The following PCDHB4 variants were observed in gnomAD, a reference collection of about 807,000 sequenced individuals.
PCDHB4 encodes the protein protocadherin beta 4.
For missense variants in PCDHB4, 1,063 were observed against 1,007.0 expected (o/e 1.06, Z -0.75); for synonymous variants, 482 against 447.3 (o/e 1.08, Z -0.98).
At position 141,123,880 on chromosome 5, in the gene PCDHB4, C is replaced by T; in HGVS notation, c.1882C>T (p.Leu628=). ...AHNGEVRTAR[L]LSERDAAKHR... is the part of the protein sequence containing the mutation. ...CAATGGCGAGGTGCGCACCGCCAGG[C>T]TGCTGAGCGAGCGCGACGCAGCCAA... is the stretch of plus-strand genomic sequence containing the variant. The change falls in exon 1 of 1, where the codon CTG becomes TTG. Residue 628 remains leucine (L), a synonymous_variant. Transcript: ENST00000194152. The T allele has an allele frequency of 1.2e-6, 2 of 1,607,246 alleles. No homozygotes were observed. Among genetic ancestry groups the T allele is most frequent in the East Asian group, 2.2e-5 (1 of 44,874 alleles).
In PCDHB4 at chr5:141,123,310, G is replaced by C. The variant is rs1554274514; in HGVS notation, c.1312G>C (p.Val438Leu). The change falls in exon 1 of 1, where the codon GTG (valine) becomes CTG (leucine). Residue 438 changes from valine to leucine, a missense_variant. By Grantham distance (32) the Val-to-Leu change is conservative (BLOSUM62 1). Coordinates refer to ENST00000194152, the MANE Select transcript of PCDHB4 (RefSeq NM_018938.4). ...PRLKTQQNITVQVSDVNDNAP... is the reference protein window; with the variant it reads ...PRLKTQQNITLQVSDVNDNAP... ...GCTGAAAACCCAGCAGAACATAACC[G>C]TGCAGGTCTCCGACGTCAATGACAA... 7 of 1,614,062 alleles carry C rather than the reference G, an allele frequency of 4.3e-6. No individual in the cohort carries two copies. Among genetic ancestry groups the C allele is most frequent in the South Asian group, 2.2e-5 (2 of 91,068 alleles).
Position 141,123,107 on chromosome 5 carries a change from G to C in PCDHB4, c.1109G>C (p.Arg370Pro). The C allele has an allele frequency of 6.2e-7, 1 of 1,613,896 alleles. No individual in the cohort carries two copies. The highest frequency in any genetic ancestry group is 1.7e-5 in the Admixed American group (1 of 59,976). ...ACGGTAGTCTCTATCTTCCGAATTC[G>C]AGATAGAGATTCCGGAGAAAATGGA... ...PETVVSIFRI[R>P]DRDSGENGKM... Residue 370 changes from arginine (R) to proline (P), a missense_variant, in exon 1 of 1, where the codon CGA (arginine) becomes CCA (proline). Physicochemically the swap from Arg to Pro is moderately radical, Grantham distance 103. Coordinates refer to ENST00000194152, the MANE Select transcript of PCDHB4 (RefSeq NM_018938.4).
chr5:141,123,657 C>G lies in PCDHB4; in HGVS notation c.1659C>G (p.Thr553=). ...EALVRVLVLD[T]NDNSPFVLYP... ...TGGTGCGCGTGCTGGTGCTGGACAC[C>G]AACGACAACTCGCCCTTCGTGCTGT... The change falls in exon 1 of 1, where the codon ACC becomes ACG. Residue 553 remains threonine (T), a synonymous_variant. Transcript: ENST00000194152. The G allele has an allele frequency of 6.2e-7, 1 of 1,611,636 alleles. No homozygotes were observed.
At position 141,124,220 on chromosome 5, in the gene PCDHB4, C is replaced by G. The variant is rs1554274755; in HGVS notation, c.2222C>G (p.Thr741Ser). The G allele has an allele frequency of 6.2e-7, 1 of 1,614,138 alleles. No homozygotes were observed. The highest frequency in any genetic ancestry group is 1.7e-5 in the Admixed American group (1 of 60,028). Residue 741 changes from threonine (T) to serine (S), a missense_variant, in exon 1 of 1, where the codon ACC becomes AGC. Transcript: ENST00000194152. The part of the protein sequence containing the change: ...FPGHLVDVSG[T>S]GTLSQSYQYE... ...GGGCATCTGGTGGACGTAAGCGGCACCGGGACCCTGTCCCAGAGCTACCAG... is the reference window on the plus strand; with the variant it reads ...GGGCATCTGGTGGACGTAAGCGGCAGCGGGACCCTGTCCCAGAGCTACCAG...
Position 141,124,502 on chromosome 5 carries a change from A to G in PCDHB4, c.*116A>G. 1.1e-6 allele frequency: 1 copy of G among 892,692 alleles called. No homozygotes were observed. Among genetic ancestry groups the G allele is most frequent in the South Asian group, 2.1e-5 (1 of 46,930 alleles). 55.3% of individuals were successfully genotyped at this position (892,692 alleles called of 1,614,324 possible). On this transcript the variant is annotated 3_prime_UTR_variant, in exon 1 of 1. Transcript: ENST00000194152. Reference sequence around the variant, plus strand: ...ATATTCATACCACAATTTCAAACCTACTCATGTCCCTGATAAAGCTAAATT... The same window carrying G: ...ATATTCATACCACAATTTCAAACCTGCTCATGTCCCTGATAAAGCTAAATT...
Position 141,123,809 on chromosome 5 carries a change from A to G in PCDHB4, c.1811A>G (p.Gln604Arg), listed in dbSNP as rs782016584. The G allele has an allele frequency of 3.1e-5, 50 of 1,609,684 alleles. No individual in the cohort carries two copies. The highest frequency in any genetic ancestry group is 1.7e-4 in the Admixed American group (10 of 59,984). ...DSGQNAWLSY[Q>R]LLKATEPGLF... The stretch of plus-strand genomic sequence containing the variant: ...GGCCAGAACGCCTGGCTGTCGTACC[A>G]GCTGCTCAAGGCCACGGAGCCTGGG... The change falls in exon 1 of 1, where the codon CAG becomes CGG. Residue 604 changes from glutamine to arginine, a missense_variant. Physicochemically the swap from Gln to Arg is conservative, Grantham distance 43. Coordinates refer to ENST00000194152, the MANE Select transcript of PCDHB4 (RefSeq NM_018938.4).
Position 141,123,264 on chromosome 5 carries a change from C to T in PCDHB4, c.1266C>T (p.Val422=), listed in dbSNP as rs1554274508. Residue 422 remains valine (V), a synonymous_variant, in exon 1 of 1, where the codon GTC becomes GTT. Coordinates refer to ENST00000194152, the MANE Select transcript of PCDHB4 (RefSeq NM_018938.4). ...CTGAGTACAACATCACCATCGCCGT[C>T]ACTGACTTGGGGACACCCAGGCTGA... ...TSAEYNITIA[V]TDLGTPRLKT... The T allele has an allele frequency of 6.2e-7, 1 of 1,614,224 alleles. No individual in the cohort carries two copies. The highest frequency in any genetic ancestry group is 2.2e-5 in the East Asian group (1 of 44,884).
At position 141,124,280 on chromosome 5, in the gene PCDHB4, G is replaced by A. The variant is rs782084409; in HGVS notation, c.2282G>A (p.Gly761Asp). The change falls in exon 1 of 1, where the codon GGT becomes GAT. Residue 761 changes from glycine to aspartate, a missense_variant. Transcript: ENST00000194152. ...EVCLTGDSGTGEFKFLKPIFP... is the reference protein window; with the variant it reads ...EVCLTGDSGTDEFKFLKPIFP... Reference sequence around the variant, plus strand: ...TGTCTGACAGGAGACTCTGGGACTGGTGAGTTCAAGTTCCTGAAGCCAATA... The same window carrying A: ...TGTCTGACAGGAGACTCTGGGACTGATGAGTTCAAGTTCCTGAAGCCAATA... 3 of 1,614,070 alleles carry A rather than the reference G, an allele frequency of 1.9e-6. No homozygotes were observed. The highest frequency in any genetic ancestry group is 2.5e-6 in the Non-Finnish European group (3 of 1,180,040).
rs1588315838 is a variant in PCDHB4 at position 141,122,306 on chromosome 5, T to G, written c.308T>G (p.Leu103Arg). Residue 103 changes from leucine (L) to arginine (R), a missense_variant, in exon 1 of 1, where the codon CTG becomes CGG. Transcript: ENST00000194152. ...ELCGPIEPCV[L>R]HFQVFLEMPV... Reference sequence around the variant, plus strand: ...TGTGGTCCTATTGAACCGTGTGTACTGCATTTCCAAGTGTTCCTGGAAATG... The same window carrying G: ...TGTGGTCCTATTGAACCGTGTGTACGGCATTTCCAAGTGTTCCTGGAAATG... 6.2e-7 allele frequency: 1 copy of G among 1,614,086 alleles called. No homozygotes were observed. Among genetic ancestry groups the G allele is most frequent in the East Asian group, 2.2e-5 (1 of 44,876 alleles).
chr5:141,123,844 G>T lies in PCDHB4; in HGVS notation c.1846G>T (p.Val616Leu), dbSNP rs782237626. Residue 616 changes from valine (V) to leucine (L), a missense_variant, in exon 1 of 1, where the codon GTG becomes TTG. Transcript: ENST00000194152. ...GGCCACGGAGCCTGGGCTGTTCGGCGTGTGGGCGCACAATGGCGAGGTGCG... is the reference window on the plus strand; with the variant it reads ...GGCCACGGAGCCTGGGCTGTTCGGCTTGTGGGCGCACAATGGCGAGGTGCG... ...LKATEPGLFG[V>L]WAHNGEVRTA... 7 of 1,608,778 alleles carry T rather than the reference G, an allele frequency of 4.4e-6. No homozygotes were observed. The highest frequency in any genetic ancestry group is 2.2e-4 in the Middle Eastern group (1 of 4,474).
At position 141,124,948 on chromosome 5, in the gene PCDHB4, A is replaced by C. The variant is rs1752386318; in HGVS notation, c.*562A>C. The C allele has an allele frequency of 6.6e-6, 1 of 152,216 alleles. No individual in the cohort carries two copies. Among genetic ancestry groups the C allele is most frequent in the Non-Finnish European group, 1.5e-5 (1 of 68,028 alleles). The allele number at this position is 152,216 out of a possible 1,614,324, so 9.4% of individuals were successfully genotyped here. On this transcript the variant is annotated 3_prime_UTR_variant, in exon 1 of 1. Transcript: ENST00000194152. ...ACATGCACTTCACTACATTGGTAAT[A>C]CACTAAAATTGTGGTCCTTTTCCTC...
rs1554274514 is a variant in PCDHB4 at position 141,123,310 on chromosome 5, G to T, written c.1312G>T (p.Val438Leu). ...PRLKTQQNIT[V>L]QVSDVNDNAP... ...GCTGAAAACCCAGCAGAACATAACC[G>T]TGCAGGTCTCCGACGTCAATGACAA... is the stretch of plus-strand genomic sequence containing the variant. The change falls in exon 1 of 1, where the codon GTG becomes TTG. Residue 438 changes from valine (V) to leucine (L), a missense_variant. Coordinates refer to ENST00000194152, the MANE Select transcript of PCDHB4 (RefSeq NM_018938.4). 1.9e-6 allele frequency: 3 copies of T among 1,614,062 alleles called. No homozygotes were observed. The East Asian group carries it at 6.7e-5, about 36-fold the overall frequency.
At position 141,123,670 on chromosome 5, in the gene PCDHB4, C is replaced by T; in HGVS notation, c.1672C>T (p.Pro558Ser). ...VLVLDTNDNS[P>S]FVLYPLQNGS... is the part of the protein sequence containing the mutation. ...GGTGCTGGACACCAACGACAACTCG[C>T]CCTTCGTGCTGTACCCGCTGCAGAA... The change falls in exon 1 of 1, where the codon CCC (proline) becomes TCC (serine). Residue 558 changes from proline to serine, a missense_variant. By Grantham distance (74) the Pro-to-Ser change is moderately conservative. Transcript: ENST00000194152. 6 of 1,611,474 alleles carry T rather than the reference C, an allele frequency of 3.7e-6. No homozygotes were observed. Among genetic ancestry groups the T allele is most frequent in the Non-Finnish European group, 5.1e-6 (6 of 1,179,592 alleles).
rs781978488 is a variant in PCDHB4 at position 141,122,994 on chromosome 5, A to C, written c.996A>C (p.Val332=). The C allele has an allele frequency of 6.2e-7, 1 of 1,614,040 alleles. No individual in the cohort carries two copies. The highest frequency in any genetic ancestry group is 1.1e-5 in the South Asian group (1 of 91,038). Residue 332 remains valine (V), a synonymous_variant, in exon 1 of 1, where the codon GTA becomes GTC. Coordinates refer to ENST00000194152, the MANE Select transcript of PCDHB4 (RefSeq NM_018938.4). ...DGGGLSGKGT[V]VIEVVDVNDN... ...GAGGCCTTTCTGGAAAAGGCACTGT[A>C]GTCATAGAGGTGGTGGATGTGAATG...
rs782597356 is a variant in PCDHB4, at chr5:141,121,959, G to C, written c.-40G>C. ...AATTGAATGTCTCAAGTCTCGTTGCGGTTGCTGAGGGGATTGGATATAGGG... is the reference window on the plus strand; with the variant it reads ...AATTGAATGTCTCAAGTCTCGTTGCCGTTGCTGAGGGGATTGGATATAGGG... On this transcript the variant is annotated 5_prime_UTR_variant, in exon 1 of 1. Transcript: ENST00000194152. The C allele has an allele frequency of 1.4e-6, 2 of 1,380,718 alleles. No homozygotes were observed. Among genetic ancestry groups the C allele is most frequent in the South Asian group, 1.4e-5 (1 of 70,950 alleles). The allele number at this position is 1,380,718 out of a possible 1,614,324, so 85.5% of individuals were successfully genotyped here.
Position 141,123,935 on chromosome 5 carries a change from A to T in PCDHB4, c.1937A>T (p.Asn646Ile). ...KHRLVVLVKDNGEPPRSATAT... is the reference protein window; with the variant it reads ...KHRLVVLVKDIGEPPRSATAT... ...AGGCTCGTGGTGCTTGTCAAGGACA[A>T]TGGCGAGCCTCCGCGCTCGGCCACC... Residue 646 changes from asparagine to isoleucine, a missense_variant, in exon 1 of 1, where the codon AAT becomes ATT. Transcript: ENST00000194152. The T allele has an allele frequency of 6.2e-7, 1 of 1,605,198 alleles. No individual in the cohort carries two copies.
chr5:141,123,398 T>G lies in PCDHB4; in HGVS notation c.1400T>G (p.Leu467Arg), dbSNP rs1357346313. The change falls in exon 1 of 1, where the codon CTG becomes CGG. Residue 467 changes from leucine (L) to arginine (R), a missense_variant. By Grantham distance (102) the Leu-to-Arg change is moderately radical. Coordinates refer to ENST00000194152, the MANE Select transcript of PCDHB4 (RefSeq NM_018938.4). The stretch of plus-strand genomic sequence containing the variant: ...GTCCGCGAGAACAACAGCCCCGCCC[T>G]GCACATCGGCAGTGTCAGCGCCACA... ...LFVRENNSPA[L>R]HIGSVSATDR... 6.2e-7 allele frequency: 1 copy of G among 1,613,586 alleles called. No individual in the cohort carries two copies. The highest frequency in any genetic ancestry group is 2.2e-5 in the East Asian group (1 of 44,872).
In PCDHB4 at chr5:141,123,850, G is replaced by T; in HGVS notation, c.1852G>T (p.Ala618Ser). The stretch of plus-strand genomic sequence containing the variant: ...GGAGCCTGGGCTGTTCGGCGTGTGG[G>T]CGCACAATGGCGAGGTGCGCACCGC... ...ATEPGLFGVW[A>S]HNGEVRTARL... The change falls in exon 1 of 1, where the codon GCG becomes TCG. Residue 618 changes from alanine (A) to serine (S), a missense_variant. By Grantham distance (99) the Ala-to-Ser change is moderately conservative. Coordinates refer to ENST00000194152, the MANE Select transcript of PCDHB4 (RefSeq NM_018938.4). 6.2e-7 allele frequency: 1 copy of T among 1,608,348 alleles called. No homozygotes were observed.
chr5:141,125,196 A>T lies in PCDHB4; in HGVS notation c.*810A>T, dbSNP rs1438183672. On this transcript the variant is annotated 3_prime_UTR_variant, in exon 1 of 1. Transcript: ENST00000194152. ...CTTAAAAAAAAATCTCAGAATCTGA[A>T]ATAAGCCCTAAATTTCTCCCCAAAA... is the stretch of plus-strand genomic sequence containing the variant. 1 of 152,178 alleles carries T rather than the reference A, an allele frequency of 6.6e-6. No individual in the cohort carries two copies. Among genetic ancestry groups the T allele is most frequent in the Non-Finnish European group, 1.5e-5 (1 of 68,012 alleles). 9.4% of individuals were successfully genotyped at this position (152,178 alleles called of 1,614,324 possible).
Sources: gnomAD v4.1 joint callset for allele counts on GRCh38, gnomAD v4.1.1 for gene constraint, MANE v1.5 for transcripts, NCBI Gene and HGNC (gene_info 2026-07-23, HGNC 2026-07-21) for gene names.